PAPLN: variants seen among roughly 807,000 people sequenced by gnomAD.
The protein encoded by PAPLN is papilin, proteoglycan like sulfated glycoprotein.
Under a neutral mutation model 159.0 loss-of-function variants are expected in PAPLN, and 146 were observed. The ratio of observed to expected loss-of-function variants is 0.92; its 90% CI spans 0.80 to 1.05. The LOEUF is 1.05. Ranked by LOEUF, PAPLN falls within the 50% of genes least tolerant of loss-of-function variation. The pLI, the probability that PAPLN is intolerant of heterozygous loss-of-function variation, is 0.00. For synonymous variants in PAPLN, 734 were observed against 702.9 expected (o/e 1.04, Z -0.70); for missense variants, 1,720 against 1,743.9 (o/e 0.99, Z 0.24).
At chr14:73,268,511 C>A in intron 25 of PAPLN, 46 bp from the exon 26 acceptor site, 1 of 1,568,856 alleles carries the variant, frequency 6.4e-7, no homozygotes, top group South Asian at 1.2e-5. Context: ...GTCTCCCAGA[C>A]CTCCAGAGGC....
At chr14:73,249,559 G>A (rs1233186544) in intron 5 of PAPLN, among the ~76,000 whole-genome samples, 13 of 151,526 alleles carry the variant, frequency 8.6e-5, no homozygotes, top group South Asian at 6.3e-4. Flanking sequence ...CTGTAGTCCC[G>A]GCTACTAGGG....
upstream of PAPLN, chr14:73,237,471 GGAGA>G (rs1225774345): frequency 6.6e-6 from 1 of 152,468 alleles, no homozygotes; most frequent in Non-Finnish European, 1.5e-5. Context: ...AGGCAGCGGC[GGAGA>G]GAGAAAGTCC....
chr14:73,264,419 C>T (rs993647043), intron 21 of PAPLN, 84 bp downstream of exon 21: 64 of 1,559,458 alleles, frequency 4.1e-5, no homozygotes, highest in Non-Finnish European at 5.2e-5. Context: ...CGAGGGCTGC[C>T]TCACGCTAGA....
chr14:73,267,969 G>A (rs1358154130), intron 25 of PAPLN, among the ~76,000 whole-genome samples: 1 of 152,094 alleles, frequency 6.6e-6, no homozygotes, highest in Non-Finnish European at 1.5e-5. Context: ...GCCTGCAGTG[G>A]GGCCGCATGT....
In PAPLN at chr14:73,266,596, G is replaced by A. The variant is rs763491865; in HGVS notation, c.3359G>A (p.Arg1120Gln). The A allele has an allele frequency of 5.5e-5, 88 of 1,614,070 alleles. No homozygotes were observed. The Admixed American group carries it at 1.3e-3, about 23-fold the overall frequency. Reference protein sequence around the residue: ...YTCVAFNGQDRDQRWVQLRVL... With the variant: ...YTCVAFNGQDQDQRWVQLRVL... ...TGTGTCGCTTTCAATGGGCAGGACC[G>A]AGACCAGCGATGGGTCCAGCTCAGA... The change falls in exon 24 of 27, where the codon CGA becomes CAA. Residue 1120 changes from arginine to glutamine, a missense_variant. Transcript: ENST00000644200.
At position 73,261,278 on chromosome 14, in the gene PAPLN, G is replaced by A. The variant is rs762350510; in HGVS notation, c.2229G>A (p.Val743=). Residue 743 remains valine (V), a synonymous_variant, in exon 18 of 27, where the codon GTG becomes GTA. Transcript: ENST00000644200. ...CCGGTCCTCTTGGGGAAGGCTGTGT[G>A]GGCCAGCCCAGCCATGGTGAGTGGA... ...TAAGPLGEGC[V]GQPSHAYPVR... is the part of the protein sequence containing the mutation. 4 of 1,613,676 alleles carry A rather than the reference G, an allele frequency of 2.5e-6. No homozygotes were observed. Among genetic ancestry groups the A allele is most frequent in the East Asian group, 2.2e-5 (1 of 44,892 alleles).
chr14:73,252,528 G>T, intron 10 of PAPLN, 121 bp from the exon 11 acceptor site: 1 of 1,312,250 alleles, frequency 7.6e-7, no homozygotes, highest in Non-Finnish European at 1.0e-6. Flanking sequence ...TGCCTCGGGG[G>T]GGTCATCTAA....
In PAPLN at chr14:73,249,980, C is replaced by T; in HGVS notation, c.335-4C>T. 1 of 1,601,394 alleles carries T rather than the reference C, an allele frequency of 6.2e-7. No homozygotes were observed. On this transcript the variant is annotated splice_polypyrimidine_tract_variant and splice_region_variant and intron_variant, in intron 5 of 26. Transcript: ENST00000644200. The stretch of plus-strand genomic sequence containing the variant: ...TCTCAGTCTTGCCTTCCTGCCCACC[C>T]CAGCCCCAAACAAGTGTGAACTGAA...
At position 73,262,738 on chromosome 14, in the gene PAPLN, G is replaced by T. The variant is rs1429509591; in HGVS notation, c.2634G>T (p.Trp878Cys). 2.6e-6 allele frequency: 4 copies of T among 1,512,444 alleles called. No homozygotes were observed. The highest frequency in any genetic ancestry group is 2.6e-6 in the Non-Finnish European group (3 of 1,134,886). 93.7% of individuals were successfully genotyped at this position (1,512,444 alleles called of 1,614,324 possible). A position where few individuals can be genotyped will look rare whatever the true frequency, so the allele number is the denominator to read the frequency against. ...EAPHTQAFGE[W>C]PWGQELGSRA... ...CCCACACCCAGGCCTTTGGAGAATG[G>T]CCATGGGGGCAGGAGCTTGGGTCCA... Residue 878 changes from tryptophan (W) to cysteine (C), a missense_variant, in exon 19 of 27, where the codon TGG becomes TGT. Physicochemically the swap from Trp to Cys is radical, Grantham distance 215 (BLOSUM62 -2). Coordinates refer to ENST00000644200, the MANE Select transcript of PAPLN (RefSeq NM_001365906.3).
chr14:73,262,851 AG>A, intron 19 of PAPLN, 24 bp downstream of exon 19: 2 of 1,442,456 alleles, frequency 1.4e-6, no homozygotes, highest in Non-Finnish European at 1.8e-6. Flanking sequence ...TCCCCAGGTG[AG>A]GGGGTTAGGA....
In PAPLN at chr14:73,254,971, C is replaced by A; in HGVS notation, c.1580C>A (p.Pro527His). 1 of 1,613,802 alleles carries A rather than the reference C, an allele frequency of 6.2e-7. No individual in the cohort carries two copies. The highest frequency in any genetic ancestry group is 8.5e-7 in the Non-Finnish European group (1 of 1,179,956). Residue 527 changes from proline (P) to histidine (H), a missense_variant, in exon 14 of 27, where the codon CCT becomes CAT. By Grantham distance (77) the Pro-to-His change is moderately conservative (BLOSUM62 -2). Transcript: ENST00000644200. ...SHCGSLQHSK[P>H]VDVEPCNTQP... ...TGCGGGAGCCTGCAGCACTCCAAGCCTGTGGATGTGGAGCCTTGTAACACG... is the reference window on the plus strand; with the variant it reads ...TGCGGGAGCCTGCAGCACTCCAAGCATGTGGATGTGGAGCCTTGTAACACG...
chr14:73,266,128 C>T (rs1887190778), intron 23 of PAPLN, among the ~76,000 whole-genome samples: 1 of 152,126 alleles, frequency 6.6e-6, no homozygotes, highest in African/African-American at 2.4e-5. Flanking sequence ...ATCACGAGGT[C>T]AGGAGTTCAA....
chr14:73,239,922 A>G, intron 2 of PAPLN, 90 bp downstream of exon 2: 10 of 1,467,928 alleles, frequency 6.8e-6, no homozygotes, highest in Non-Finnish European at 8.1e-6. Context: ...TCCCCAGGAA[A>G]GGGGCGATGT....
chr14:73,269,020 C>G (rs112747230), intron 26 of PAPLN, among the ~76,000 whole-genome samples: 5 of 152,280 alleles, frequency 3.3e-5, no homozygotes, highest in African/African-American at 9.6e-5. Context: ...TTCAGACTCA[C>G]CGATTTTGAG....
chr14:73,261,320 T>C (rs201982306), intron 18 of PAPLN, 26 bp downstream of exon 18: 444 of 1,608,686 alleles, frequency 2.8e-4, no homozygotes, highest in Middle Eastern at 1.3e-3. Flanking sequence ...CTCTCCTCCT[T>C]CTCGATGGGT....
chr14:73,260,952 C>T, intron 17 of PAPLN, 123 bp downstream of exon 17: 1 of 1,418,040 alleles, frequency 7.1e-7, no homozygotes, highest in Middle Eastern at 2.0e-4. Context: ...AATCTGCTGG[C>T]CTGGGTCATC....
rs946672478 is a variant in PAPLN, at chr14:73,264,248, C to G, written c.2899C>G (p.Pro967Ala). Reference protein sequence around the residue: ...LQFDGSLIIHPLQAEDAGTYS... With the variant: ...LQFDGSLIIHALQAEDAGTYS... ...GTTCGACGGATCCCTGATCATCCACCCCCTGCAGGCAGAGGACGCGGGCAC... is the reference window on the plus strand; with the variant it reads ...GTTCGACGGATCCCTGATCATCCACGCCCTGCAGGCAGAGGACGCGGGCAC... The change falls in exon 21 of 27, where the codon CCC (proline) becomes GCC (alanine). Residue 967 changes from proline (P) to alanine (A), a missense_variant. Transcript: ENST00000644200. The G allele has an allele frequency of 1.2e-6, 2 of 1,614,006 alleles. No homozygotes were observed. The highest frequency in any genetic ancestry group is 3.3e-5 in the Admixed American group (2 of 60,018).
intron 18 of PAPLN, 150 bp from the exon 19 acceptor site, chr14:73,262,200 C>T (rs1886659197): frequency 1.2e-6 from 1 of 800,278 alleles, no homozygotes; most frequent in Admixed American, 2.3e-5. Flanking sequence ...CATCCTGGAT[C>T]CCAGGGCCAG....
In PAPLN at chr14:73,245,698, TA is replaced by T; in HGVS notation, c.231+5del. The stretch of plus-strand genomic sequence containing the variant: ...AGCCACCGCTCTTGTCGCACGGAGG[TA>T]AAGCTCACGGGGCGCGGGCGAAGGC... On this transcript the variant is annotated splice_donor_region_variant and intron_variant, in intron 4 of 26. Transcript: ENST00000644200. The surrounding 1 kb of genome is among the most constrained non-coding windows in gnomAD (Gnocchi z 4.2). The T allele has an allele frequency of 6.5e-7, 1 of 1,546,884 alleles. No homozygotes were observed.
Sources: gnomAD v4.1 joint callset for allele counts (sites outside exome capture counted in the v4.1 genomes callset) on GRCh38, gnomAD v4.1.1 for gene constraint, Gnocchi (gnomAD v3.1) non-coding constraint, MANE v1.5 for transcripts, NCBI Gene and HGNC (gene_info 2026-07-23, HGNC 2026-07-21) for gene names.